The following CDK8 variants were observed in gnomAD, a reference collection of about 807,000 sequenced individuals.
The protein encoded by CDK8 is cyclin dependent kinase 8.
Under a neutral mutation model 71.5 loss-of-function variants are expected in CDK8, and 29 were observed. The ratio of observed to expected loss-of-function variants is 0.41; its 90% confidence interval spans 0.30 to 0.55. The LOEUF (loss-of-function observed/expected upper bound fraction) is 0.55. Among genes scored for constraint, CDK8 ranks in the 20% least tolerant of loss-of-function variants. The pLI, the probability that CDK8 is intolerant of heterozygous loss-of-function variation, is 0.37. For synonymous variants in CDK8, 161 were observed against 192.1 expected, an observed-to-expected ratio of 0.84 and a Z score of 1.34; for missense variants, 288 against 572.6, an observed-to-expected ratio of 0.50 and a Z score of 5.07.
intron 1 of CDK8, among the ~76,000 whole-genome samples, chr13:26,290,165 G>A (rs1044259256): frequency 1.3e-5 from 2 of 152,110 alleles, no homozygotes; most frequent in African/African-American, 4.8e-5. Flanking sequence ...AATAACTATA[G>A]AGTATATTTA....
Position 26,300,195 on chromosome 13 carries a change from C to T in CDK8, c.129-37372C>T, listed in dbSNP as rs1873762671. 2.0e-5 allele frequency among the ~76,000 whole-genome samples: 3 copies of T among 152,090 alleles called. No homozygotes were observed. The South Asian group carries it at 6.2e-4, about 32-fold the overall frequency. On this transcript the variant is annotated intron_variant, in intron 1 of 12. Transcript: ENST00000381527. ...AGGTAACGCGGTAGTCCCTCTCTGT[C>T]CCCAGGAGAGATACCTTTCAAGACC... is the stretch of plus-strand genomic sequence containing the variant.
intron 1 of CDK8, among the ~76,000 whole-genome samples, chr13:26,271,365 T>C (rs893939195): frequency 6.6e-6 from 1 of 152,190 alleles, no homozygotes; most frequent in Non-Finnish European, 1.5e-5. Flanking sequence ...ACACCTAGGC[T>C]ATATGGTGTA....
intron 4 of CDK8, among the ~76,000 whole-genome samples, chr13:26,369,915 G>A (rs1368775594): frequency 2.6e-5 from 4 of 151,744 alleles, no homozygotes; most frequent in Middle Eastern, 3.2e-3. Flanking sequence ...CTATTTAGAT[G>A]CTCTATAGAA....
Position 26,353,779 on chromosome 13 carries a change from A to T in CDK8, c.355A>T (p.Lys119Ter). Residue 119 changes from lysine (K) to a stop codon, truncating the protein, a stop_gained, in exon 4 of 13, where the codon AAG becomes TAG. Coordinates refer to ENST00000381527, the MANE Select transcript of CDK8 (RefSeq NM_001260.3). LOFTEE classifies it high-confidence loss of function. Reference sequence around the variant, plus strand: ...TCACAGAGCTTCTAAAGCAAACAAGAAGCCAGTTCAGTTACCTCGGGGAAT... The same window carrying T: ...TCACAGAGCTTCTAAAGCAAACAAGTAGCCAGTTCAGTTACCTCGGGGAAT... ...KFHRASKANKKPVQLPRGMVK... is the reference protein window; with the variant it reads ...KFHRASKANK 1 of 1,613,510 alleles carries T rather than the reference A, an allele frequency of 6.2e-7. No individual in the cohort carries two copies. Among genetic ancestry groups the T allele is most frequent in the Non-Finnish European group, 8.5e-7 (1 of 1,179,640 alleles).
chr13:26,319,468 TAAA>T (rs541642068), intron 1 of CDK8, among the ~76,000 whole-genome samples: 4 of 137,558 alleles, frequency 2.9e-5, no homozygotes, highest in Admixed American at 7.3e-5. Flanking sequence ...AAACTCCACT[TAAA>T]AAAAAAAAAA....
chr13:26,372,521 T>C (rs2031808), intron 4 of CDK8, among the ~76,000 whole-genome samples: 8,859 of 152,246 alleles, frequency 0.058, 861 homozygotes, highest in African/African-American at 0.2. Flanking sequence ...TGTATAAACA[T>C]GTATTTTTTA....
At chr13:26,283,266 C>T (rs1430253831) in intron 1 of CDK8, among the ~76,000 whole-genome samples, 3 of 152,194 alleles carry the variant, frequency 2.0e-5, no homozygotes, top group Non-Finnish European at 2.9e-5. Context: ...GCACATGGAA[C>T]ATTCTCTAAG....
chr13:26,357,102 T>C (rs919604301), intron 4 of CDK8, among the ~76,000 whole-genome samples: 23 of 152,346 alleles, frequency 1.5e-4, no homozygotes, highest in African/African-American at 5.5e-4. Context: ...GGTAGAGTTA[T>C]GAATTTCTTT....
intron 1 of CDK8, among the ~76,000 whole-genome samples, chr13:26,264,868 G>A (rs1871954227): frequency 6.6e-6 from 1 of 152,106 alleles, no homozygotes; most frequent in South Asian, 2.1e-4. Context: ...TTAACATAAG[G>A]ATCTCAAGTT....
intron 1 of CDK8, among the ~76,000 whole-genome samples, chr13:26,299,163 G>C (rs1873699661): frequency 6.6e-6 from 1 of 152,126 alleles, no homozygotes. Flanking sequence ...CATGTCTTTA[G>C]AATTGTTACT....
intron 4 of CDK8, among the ~76,000 whole-genome samples, chr13:26,355,516 G>A (rs1414416504): frequency 2.0e-5 from 3 of 152,166 alleles, no homozygotes; most frequent in Non-Finnish European, 2.9e-5. Flanking sequence ...TCGGGAGGCT[G>A]AGGCAGAGAA....
At position 26,385,452 on chromosome 13, in the gene CDK8, A is replaced by G. The variant is rs111776028; in HGVS notation, c.646+110A>G. ...TATAGCAAATTATAAAAGTAAGAGC[A>G]GACTGAGTGTGATGGCTCATGCCTG... is the stretch of plus-strand genomic sequence containing the variant. On this transcript the variant is annotated intron_variant, in intron 6 of 12. Coordinates refer to ENST00000381527, the MANE Select transcript of CDK8 (RefSeq NM_001260.3). The G allele has an allele frequency of 9.5e-4, 865 of 913,516 alleles. 5 individuals are homozygous for G. In the African/African-American group the frequency reaches 0.013, roughly 14 times the overall value. 56.6% of individuals were successfully genotyped at this position (913,516 alleles called of 1,614,324 possible). A position where few individuals can be genotyped will look rare whatever the true frequency, so the allele number is the denominator to read the frequency against.
chr13:26,351,107 G>GT (rs1233588860), intron 3 of CDK8, among the ~76,000 whole-genome samples: 1 of 151,972 alleles, frequency 6.6e-6, no homozygotes, highest in East Asian at 1.9e-4. Context: ...ACAGATTATA[G>GT]TTTAAGAAAC....
chr13:26,329,480 T>G (rs1210289019), intron 1 of CDK8, among the ~76,000 whole-genome samples: 7 of 118,324 alleles, frequency 5.9e-5, no homozygotes, highest in East Asian at 5.8e-4. Flanking sequence ...TTTTTTTTTT[T>G]TTGTTTTTTT....
intron 9 of CDK8, among the ~76,000 whole-genome samples, chr13:26,397,925 A>G (rs1205054197): frequency 6.6e-6 from 1 of 152,202 alleles, no homozygotes; most frequent in Non-Finnish European, 1.5e-5. Context: ...AGTTTGGGGA[A>G]GCAGGTTGTA....
chr13:26,278,431 C>G (rs1872630713), intron 1 of CDK8, among the ~76,000 whole-genome samples: 1 of 152,154 alleles, frequency 6.6e-6, no homozygotes, highest in South Asian at 2.1e-4. Flanking sequence ...AATCCTCCGA[C>G]CACCGTTTCC....
intron 4 of CDK8, among the ~76,000 whole-genome samples, chr13:26,358,228 G>T (rs548003982): frequency 2.2e-4 from 33 of 152,266 alleles, no homozygotes; most frequent in Non-Finnish European, 2.9e-4. Flanking sequence ...GAACCCAGGA[G>T]GCAGAGCTTG....
intron 1 of CDK8, among the ~76,000 whole-genome samples, chr13:26,294,764 T>A (rs1300449707): frequency 1.3e-5 from 2 of 152,136 alleles, no homozygotes; most frequent in African/African-American, 4.8e-5. Flanking sequence ...TTTTGTTTTG[T>A]TTTTTGAGAG....
chr13:26,318,475 C>T (rs1306261619), intron 1 of CDK8, among the ~76,000 whole-genome samples: 3 of 152,150 alleles, frequency 2.0e-5, no homozygotes, highest in African/African-American at 7.2e-5. Context: ...GCCAGACAAA[C>T]ACTATAAGAA....
Sources: gnomAD v4.1 joint callset for allele counts (sites outside exome capture counted in the v4.1 genomes callset) on GRCh38, gnomAD v4.1.1 for gene constraint, MANE v1.5 for transcripts, NCBI Gene and HGNC (gene_info 2026-07-23, HGNC 2026-07-21) for gene names.